The following ZDHHC14 variants were observed in gnomAD, a reference collection of about 807,000 sequenced individuals.
ZDHHC14 encodes palmitoyltransferase ZDHHC14.
Under a neutral mutation model 47.7 loss-of-function variants are expected in ZDHHC14, and 16 were observed. That is an observed-to-expected ratio of 0.34 (90% confidence interval 0.23 to 0.51). The LOEUF (loss-of-function observed/expected upper bound fraction) is 0.51, where lower values mean the gene tolerates loss of function less well. Among genes scored for constraint, ZDHHC14 ranks in the 20% least tolerant of loss-of-function variants. The pLI is 0.97. For missense variants in ZDHHC14, 515 were observed against 662.5 expected (o/e 0.78, Z 2.44); for synonymous variants, 293 against 278.9 (o/e 1.05, Z -0.50).
intron 2 of ZDHHC14, among the ~76,000 whole-genome samples, chr6:157,559,210 G>A (rs1233049348): frequency 2.0e-5 from 3 of 152,160 alleles, no homozygotes; most frequent in Admixed American, 6.5e-5. Flanking sequence ...GGTGATTCAC[G>A]AGGATGTGGT....
intron 1 of ZDHHC14, among the ~76,000 whole-genome samples, chr6:157,536,767 A>T (rs1326027898): frequency 6.7e-6 from 1 of 149,780 alleles, no homozygotes; most frequent in African/African-American, 2.5e-5. Context: ...AAATGATTTT[A>T]TATCTATCTA....
At chr6:157,400,928 T>A (rs1414466524) in intron 1 of ZDHHC14, among the ~76,000 whole-genome samples, 1 of 152,216 alleles carries the variant, frequency 6.6e-6, no homozygotes, top group Non-Finnish European at 1.5e-5. Context: ...CCCTGTCTTA[T>A]TGATCTTTGT....
At chr6:157,632,761 T>G (rs1785799935) in intron 4 of ZDHHC14, 73 bp from the exon 5 acceptor site, 1 of 1,351,128 alleles carries the variant, frequency 7.4e-7, no homozygotes, top group South Asian at 1.2e-5. Context: ...CTATTATTTT[T>G]TTGTAGATGA....
intron 2 of ZDHHC14, among the ~76,000 whole-genome samples, chr6:157,546,647 GC>G (rs1030558924): frequency 3.3e-5 from 5 of 152,170 alleles, no homozygotes; most frequent in African/African-American, 9.7e-5. Flanking sequence ...CTGGAGGCTT[GC>G]TTGGAAACTT....
chr6:157,621,872 T>A (rs1254017430), intron 3 of ZDHHC14, among the ~76,000 whole-genome samples: 1 of 152,182 alleles, frequency 6.6e-6, no homozygotes, highest in Non-Finnish European at 1.5e-5. Context: ...ATATTTGATC[T>A]CTTCCAGAAA....
At chr6:157,453,970 G>A (rs1051296839) in intron 1 of ZDHHC14, among the ~76,000 whole-genome samples, 1 of 152,208 alleles carries the variant, frequency 6.6e-6, no homozygotes, top group Admixed American at 6.5e-5. Context: ...GCCTTTAGGT[G>A]TGGGGTGTGT....
intron 1 of ZDHHC14, among the ~76,000 whole-genome samples, chr6:157,492,091 C>T (rs936186398): frequency 6.6e-6 from 1 of 152,176 alleles, no homozygotes. Context: ...CTCCATCCAG[C>T]AGCCCTCCAG....
At position 157,381,435 on chromosome 6, in the gene ZDHHC14, T is replaced by C; in HGVS notation, c.-587T>C. On this transcript the variant is annotated 5_prime_UTR_variant, in exon 1 of 9. Transcript: ENST00000359775. ...GAGGCTCCTGACAGAAAAACGTGCG[T>C]GGTTGTCCCCACCCCTGGGAGGGGT... is the stretch of plus-strand genomic sequence containing the variant. The C allele has an allele frequency of 3.5e-6, 1 of 282,308 alleles. No homozygotes were observed. Among genetic ancestry groups the C allele is most frequent in the South Asian group, 2.6e-5 (1 of 39,140 alleles). 17.5% of individuals were successfully genotyped at this position (282,308 alleles called of 1,614,324 possible).
At chr6:157,656,205 G>C (rs1778081820) in intron 8 of ZDHHC14, among the ~76,000 whole-genome samples, 1 of 152,176 alleles carries the variant, frequency 6.6e-6, no homozygotes, top group Non-Finnish European at 1.5e-5. Context: ...CAAATAACTA[G>C]TACCGCTGAA....
chr6:157,447,613 G>A (rs1347554662), intron 1 of ZDHHC14, among the ~76,000 whole-genome samples: 1 of 152,174 alleles, frequency 6.6e-6, no homozygotes, highest in Non-Finnish European at 1.5e-5. Flanking sequence ...AGGAAGGCAG[G>A]GCTGCAGGCA....
In ZDHHC14 at chr6:157,572,348, A is replaced by G. The variant is rs928672535; in HGVS notation, c.407-20640A>G. ...CGCCCTGGTTGAGAACCACTGCCCT[A>G]GATGATCCCGATCATCAGCCAAGTT... On this transcript the variant is annotated intron_variant, in intron 2 of 8. Coordinates refer to ENST00000359775, the MANE Select transcript of ZDHHC14 (RefSeq NM_024630.3). 2.7e-4 allele frequency among the ~76,000 whole-genome samples: 41 copies of G among 152,178 alleles called. 1 individual carries two copies. The highest frequency in any genetic ancestry group is 5.0e-4 in the Non-Finnish European group (34 of 68,044).
intron 1 of ZDHHC14, among the ~76,000 whole-genome samples, chr6:157,385,620 A>G (rs1485609991): frequency 6.6e-6 from 1 of 152,276 alleles, no homozygotes; most frequent in African/African-American, 2.4e-5. Context: ...ACTCAGCAAC[A>G]GGTGTTGATA....
intron 1 of ZDHHC14, among the ~76,000 whole-genome samples, chr6:157,477,028 A>G (rs1261304660): frequency 6.6e-6 from 1 of 152,208 alleles, no homozygotes; most frequent in East Asian, 1.9e-4. Context: ...TCTTTTCAAC[A>G]TAGTACTGGA....
chr6:157,614,164 G>A (rs939474808), intron 3 of ZDHHC14, among the ~76,000 whole-genome samples: 5 of 152,108 alleles, frequency 3.3e-5, no homozygotes, highest in East Asian at 1.9e-4. Context: ...AGTGCAAAAG[G>A]CCAGGACCCA....
At position 157,542,659 on chromosome 6, in the gene ZDHHC14, G is replaced by T; in HGVS notation, c.320G>T (p.Gly107Val). The change falls in exon 2 of 9, where the codon GGG becomes GTG. Residue 107 changes from glycine to valine, a missense_variant. This residue lies in a region of ZDHHC14 where 229 missense variants were observed against 351.5 expected (regional missense o/e 0.65). Transcript: ENST00000359775. ...VAGILFFFVMGTLLRTSFSDP... is the reference protein window; with the variant it reads ...VAGILFFFVMVTLLRTSFSDP... The stretch of plus-strand genomic sequence containing the variant: ...GGCATCCTGTTCTTCTTTGTGATGG[G>T]GACCCTGCTCCGCACCAGCTTCAGC... 6.2e-7 allele frequency: 1 copy of T among 1,614,122 alleles called. No homozygotes were observed. The highest frequency in any genetic ancestry group is 8.5e-7 in the Non-Finnish European group (1 of 1,180,034).
intron 1 of ZDHHC14, among the ~76,000 whole-genome samples, chr6:157,464,156 T>C (rs1034925218): frequency 6.6e-6 from 1 of 152,240 alleles, no homozygotes; most frequent in Non-Finnish European, 1.5e-5. Flanking sequence ...GACAACTACA[T>C]GTATATGTTG....
intron 1 of ZDHHC14, among the ~76,000 whole-genome samples, chr6:157,422,456 C>T (rs1169728297): frequency 3.9e-5 from 6 of 152,262 alleles, no homozygotes; most frequent in African/African-American, 9.6e-5. Flanking sequence ...GGGACCCGTT[C>T]GCTATTATGA....
intron 3 of ZDHHC14, among the ~76,000 whole-genome samples, chr6:157,620,659 A>G (rs1785152418): frequency 6.6e-6 from 1 of 152,224 alleles, no homozygotes; most frequent in South Asian, 2.1e-4. Context: ...CTGGACACAA[A>G]GGCCAGGCCT....
intron 5 of ZDHHC14, among the ~76,000 whole-genome samples, chr6:157,639,175 C>T (rs1583057047): frequency 6.6e-6 from 1 of 152,192 alleles, no homozygotes; most frequent in African/African-American, 2.4e-5. Flanking sequence ...TAGCTAAACC[C>T]CGATGGGGTG....
Sources: allele counts gnomAD v4.1 joint callset (sites outside exome capture counted in the v4.1 genomes callset), GRCh38; gene constraint gnomAD v4.1.1; regional missense constraint gnomAD v4.1.1; transcripts MANE v1.5; gene names NCBI Gene and HGNC (gene_info 2026-07-23, HGNC 2026-07-21).